The following BCR variants were observed in gnomAD, a reference collection of about 807,000 sequenced individuals.
BCR encodes BCR activator of RhoGEF and GTPase, also known as breakpoint cluster region protein.
Under a neutral mutation model 138.6 loss-of-function variants are expected in BCR, and 58 were observed. That is an observed-to-expected ratio of 0.42 (90% confidence interval 0.34 to 0.52). BCR has a LOEUF of 0.52. Among genes scored for constraint, BCR ranks in the 20% least tolerant of loss-of-function variants. BCR has a pLI of 0.06. For synonymous variants in BCR, 786 were observed against 730.1 expected, an observed-to-expected ratio of 1.08 and a Z score of -1.23; for missense variants, 1,599 against 1,727.2, an observed-to-expected ratio of 0.93 and a Z score of 1.32.
At chr22:23,217,960 G>T (rs898782628) in intron 1 of BCR, among the ~76,000 whole-genome samples, 4 of 152,326 alleles carry the variant, frequency 2.6e-5, no homozygotes, top group South Asian at 2.1e-4. Context: ...TTGCCTTGGG[G>T]AGGAGAGTCA....
intron 1 of BCR, among the ~76,000 whole-genome samples, chr22:23,199,738 C>T (rs921331966): frequency 6.6e-5 from 10 of 152,112 alleles, no homozygotes; most frequent in Admixed American, 5.2e-4. Flanking sequence ...TCCCTGCTTT[C>T]AAGTCTGTGA....
chr22:23,238,351 T>A (rs1486838672), intron 1 of BCR, among the ~76,000 whole-genome samples: 1 of 152,142 alleles, frequency 6.6e-6, no homozygotes, highest in Non-Finnish European at 1.5e-5. Flanking sequence ...GAGTTTAGAC[T>A]TGGAGACCGT....
rs544701232 is a variant in BCR, at chr22:23,304,228, C to A, written c.3013-5196C>A. Among the ~76,000 whole-genome samples the A allele has an allele frequency of 2.6e-5, 4 of 151,542 alleles. No homozygotes were observed. In the South Asian group the frequency reaches 8.3e-4, roughly 32 times the overall value. On this transcript the variant is annotated intron_variant, in intron 16 of 22. Transcript: ENST00000305877. Reference sequence around the variant, plus strand: ...GTGCTGAGATTACAGGTGTGAACCACCGTGCCCAGCCCCTGTTCCCAGTTA... The same window carrying A: ...GTGCTGAGATTACAGGTGTGAACCAACGTGCCCAGCCCCTGTTCCCAGTTA...
intron 2 of BCR, 97 bp downstream of exon 2, chr22:23,254,077 C>A: frequency 7.2e-7 from 1 of 1,385,866 alleles, no homozygotes; most frequent in Non-Finnish European, 9.6e-7. Context: ...GGTGGTGGAG[C>A]AGCCAATGGT....
chr22:23,289,897 C>T, intron 13 of BCR: 1 of 540,622 alleles, frequency 1.8e-6, no homozygotes. Flanking sequence ...CTCAGATGCT[C>T]TGTGCCTTGG....
At chr22:23,209,589 G>A (rs1049326802) in intron 1 of BCR, among the ~76,000 whole-genome samples, 1 of 150,460 alleles carries the variant, frequency 6.6e-6, no homozygotes, top group Admixed American at 6.6e-5. Flanking sequence ...TGTTGCCCAG[G>A]CTGGAGTGCA....
At chr22:23,194,968 T>C (rs990546148) in intron 1 of BCR, among the ~76,000 whole-genome samples, 2 of 151,732 alleles carry the variant, frequency 1.3e-5, no homozygotes, top group African/African-American at 2.4e-5. Flanking sequence ...AATAAATAAA[T>C]ACACATAAAA....
intron 15 of BCR, among the ~76,000 whole-genome samples, 161 bp from the exon 16 acceptor site, chr22:23,294,863 G>A (rs559241383): frequency 6.6e-6 from 1 of 152,278 alleles, no homozygotes; most frequent in East Asian, 1.9e-4. Flanking sequence ...TGCTTACAAG[G>A]AATACTTCCA....
chr22:23,205,216 G>C (rs1214745860), intron 1 of BCR, among the ~76,000 whole-genome samples: 1 of 152,206 alleles, frequency 6.6e-6, no homozygotes, highest in African/African-American at 2.4e-5. Flanking sequence ...GCCGGTGCTG[G>C]AGATGGGCTG....
At position 23,314,599 on chromosome 22, in the gene BCR, C is replaced by T. The variant is rs56265970; in HGVS notation, c.3611C>T (p.Ala1204Val). 1 of 1,609,948 alleles carries T rather than the reference C, an allele frequency of 6.2e-7. No homozygotes were observed. Among genetic ancestry groups the T allele is most frequent in the Non-Finnish European group, 8.5e-7 (1 of 1,178,454 alleles). The stretch of plus-strand genomic sequence containing the variant: ...AATAAGATGTCCCTGCACAACCTCG[C>T]CACGGTCTTTGGCCCCACGCTGCTC... ...AVNKMSLHNL[A>V]TVFGPTLLRP... The change falls in exon 22 of 23, where the codon GCC becomes GTC. Residue 1204 changes from alanine to valine, a missense_variant. By Grantham distance (64) the Ala-to-Val change is moderately conservative (BLOSUM62 0). This residue lies in a region of BCR where 177 missense variants were observed against 226.4 expected (regional missense o/e 0.78). Coordinates refer to ENST00000305877, the MANE Select transcript of BCR (RefSeq NM_004327.4).
At chr22:23,187,787 G>A (rs1041914688) in intron 1 of BCR, among the ~76,000 whole-genome samples, 3 of 152,140 alleles carry the variant, frequency 2.0e-5, no homozygotes, top group African/African-American at 7.2e-5. Context: ...GTTTATGCTG[G>A]GAGGTCTGAG....
chr22:23,222,806 C>T (rs77344161), intron 1 of BCR, among the ~76,000 whole-genome samples: 3,642 of 152,288 alleles, frequency 0.024, 130 homozygotes, highest in African/African-American at 0.081. Context: ...CTCTGGGCAG[C>T]ATCTCTCCTG....
At chr22:23,299,377 C>T (rs1315265212) in intron 16 of BCR, among the ~76,000 whole-genome samples, 1 of 152,188 alleles carries the variant, frequency 6.6e-6, no homozygotes, top group Non-Finnish European at 1.5e-5. Flanking sequence ...CCCCCAGGCA[C>T]ATCACAGACC....
rs369601627 is a variant in BCR, at chr22:23,295,490, C to T, written c.3012+335C>T. On this transcript the variant is annotated intron_variant, in intron 16 of 22. Transcript: ENST00000305877. ...AGATGGTGTCCTAGGCTGAAATTGG[C>T]CCATCCTGTGCCAGTCTTCTTAGAA... Among the ~76,000 whole-genome samples, 31 of 152,262 alleles carry T rather than the reference C, an allele frequency of 2.0e-4. No homozygotes were observed. The South Asian group carries it at 6.4e-3, about 32-fold the overall frequency.
Position 23,182,030 on chromosome 22 carries a change from C to T in BCR, c.1070C>T (p.Pro357Leu). The change falls in exon 1 of 23, where the codon CCC becomes CTC. Residue 357 changes from proline (P) to leucine (L), a missense_variant. Coordinates refer to ENST00000305877, the MANE Select transcript of BCR (RefSeq NM_004327.4). ...CAGTCCAGCCGCGTGTCCCCAAGCC[C>T]CACCACCTACCGCATGTTCCGGGAC... is the stretch of plus-strand genomic sequence containing the variant. ...SGQSSRVSPS[P>L]TTYRMFRDKS... 1 of 1,613,430 alleles carries T rather than the reference C, an allele frequency of 6.2e-7. No individual in the cohort carries two copies. The highest frequency in any genetic ancestry group is 8.5e-7 in the Non-Finnish European group (1 of 1,179,688).
intron 1 of BCR, among the ~76,000 whole-genome samples, chr22:23,195,931 T>A (rs1043431211): frequency 2.0e-5 from 3 of 152,150 alleles, no homozygotes; most frequent in African/African-American, 4.8e-5. Flanking sequence ...ACTGCTTTTT[T>A]AATAACAGGT....
chr22:23,187,508 T>TG lies in BCR; in HGVS notation c.1279+5269_1279+5270insG, dbSNP rs1453320459. ...CTTTCTCTCTCTCTCTCTTTTTTTT[T>TG]TTTTTAATAGAGATTGGATCTCCCT... On this transcript the variant is annotated intron_variant, in intron 1 of 22. Transcript: ENST00000305877. Among the ~76,000 whole-genome samples, 428 of 151,686 alleles carry TG rather than the reference T, an allele frequency of 2.8e-3. 3 individuals carry two copies. The highest frequency in any genetic ancestry group is 0.01 in the African/African-American group (417 of 41,366).
chr22:23,184,118 T>A (rs1415682569), intron 1 of BCR, among the ~76,000 whole-genome samples: 2 of 152,234 alleles, frequency 1.3e-5, no homozygotes, highest in Non-Finnish European at 2.9e-5. Flanking sequence ...AGACAGCGTC[T>A]GGCTCTGCCA....
At chr22:23,287,610 G>C (rs2073731261) in intron 11 of BCR, among the ~76,000 whole-genome samples, 2 of 152,226 alleles carry the variant, frequency 1.3e-5, no homozygotes, top group Non-Finnish European at 2.9e-5. Context: ...CTTCTGTCCT[G>C]AGTCTGGCTC....
Sources: allele counts gnomAD v4.1 joint callset (sites outside exome capture counted in the v4.1 genomes callset), GRCh38; gene constraint gnomAD v4.1.1; regional missense constraint gnomAD v4.1.1; transcripts MANE v1.5; gene names NCBI Gene and HGNC (gene_info 2026-07-23, HGNC 2026-07-21).